The following DNM3 variants were observed in gnomAD, a reference collection of about 807,000 sequenced individuals.
DNM3 encodes the protein dynamin-3.
In DNM3, 47 loss-of-function variants were observed where a neutral mutation model predicts 101.6. The ratio of observed to expected loss-of-function variants is 0.46; its 90% CI spans 0.37 to 0.59. The LOEUF (loss-of-function observed/expected upper bound fraction) is 0.59. Among genes scored for constraint, DNM3 ranks in the 20% least tolerant of loss-of-function variants. The pLI is 0.00. For synonymous variants in DNM3, 385 were observed against 387.9 expected, an observed-to-expected ratio of 0.99 and a Z score of 0.09; for missense variants, 849 against 1,085.7, an observed-to-expected ratio of 0.78 and a Z score of 3.06.
chr1:172,151,224 T>C (rs965918388), intron 14 of DNM3, among the ~76,000 whole-genome samples: 22 of 152,118 alleles, frequency 1.4e-4, no homozygotes. Context: ...TTTGTAATCT[T>C]AAACGTTAGT....
At position 172,172,922 on chromosome 1, in the gene DNM3, A is replaced by G. The variant is rs986920915; in HGVS notation, c.1659+41634A>G. Among the ~76,000 whole-genome samples the G allele has an allele frequency of 1.4e-4, 22 of 151,968 alleles. No individual in the cohort carries two copies. In the East Asian group the frequency reaches 1.7e-3, roughly 12 times the overall value. On this transcript the variant is annotated intron_variant, in intron 14 of 20. Coordinates refer to ENST00000627582, the MANE Select transcript of DNM3 (RefSeq NM_015569.5). ...AGTTTTTCCAAACTTGGCATTTTTA[A>G]CCATTGTTGGCCTTTTAACCTCTTT...
At chr1:172,105,128 C>A (rs113426332) in intron 13 of DNM3, among the ~76,000 whole-genome samples, 1,736 of 152,270 alleles carry the variant, frequency 0.011, 34 homozygotes, top group African/African-American at 0.04. Context: ...ATCATATGAA[C>A]AGTCCATACT....
intron 13 of DNM3, chr1:172,093,628 G>A (rs1342415134): frequency 7.2e-6 from 10 of 1,381,060 alleles, no homozygotes; most frequent in Non-Finnish European, 8.9e-6. Flanking sequence ...AAGGAGAAGA[G>A]GTAATAACAG....
intron 17 of DNM3, among the ~76,000 whole-genome samples, chr1:172,373,181 T>G (rs2068434238): frequency 6.6e-6 from 1 of 151,984 alleles, no homozygotes; most frequent in African/African-American, 2.4e-5. Flanking sequence ...AAAAGAGAAA[T>G]TTGAGGGACA....
At chr1:172,345,029 A>G (rs1438223231) in intron 17 of DNM3, among the ~76,000 whole-genome samples, 1 of 152,230 alleles carries the variant, frequency 6.6e-6, no homozygotes, top group African/African-American at 2.4e-5. Context: ...CTATCTGTTG[A>G]TCATTAATAT....
intron 14 of DNM3, among the ~76,000 whole-genome samples, chr1:172,200,739 T>C (rs1456324771): frequency 6.6e-6 from 1 of 152,330 alleles, no homozygotes; most frequent in Non-Finnish European, 1.5e-5. Context: ...GTTACTCATT[T>C]CTGTCAGACT....
chr1:172,077,197 C>G (rs1176101333), intron 11 of DNM3, among the ~76,000 whole-genome samples: 2 of 150,680 alleles, frequency 1.3e-5, no homozygotes, highest in Non-Finnish European at 3.0e-5. Flanking sequence ...CTATTTGATT[C>G]TTCTCTCTTT....
chr1:172,145,743 G>C (rs2057859451), intron 14 of DNM3, among the ~76,000 whole-genome samples: 1 of 152,106 alleles, frequency 6.6e-6, no homozygotes, highest in Admixed American at 6.6e-5. Flanking sequence ...ATGCTGTTAG[G>C]TATAGCATTG....
chr1:171,875,829 T>TTTTTTTTTTTTTTA (rs1571362207), intron 1 of DNM3, among the ~76,000 whole-genome samples: 2 of 146,926 alleles, frequency 1.4e-5, no homozygotes, highest in African/African-American at 5.1e-5. Flanking sequence ...TTTTTTTTTT[T>TTTTTTTTTTTTTTA]GAGATGGAGT....
chr1:172,021,548 C>CA (rs1349529151), intron 4 of DNM3, among the ~76,000 whole-genome samples: 3 of 152,094 alleles, frequency 2.0e-5, no homozygotes, highest in Non-Finnish European at 4.4e-5. Context: ...TATCCCAGGA[C>CA]AAAAAACATA....
At chr1:171,865,334 G>A (rs2034613154) in intron 1 of DNM3, among the ~76,000 whole-genome samples, 1 of 151,756 alleles carries the variant, frequency 6.6e-6, no homozygotes, top group Non-Finnish European at 1.5e-5. Context: ...TGGGCAACGT[G>A]GTGAAACCTC....
chr1:171,996,139 AG>A (rs1242342726), intron 4 of DNM3, among the ~76,000 whole-genome samples: 1 of 152,182 alleles, frequency 6.6e-6, no homozygotes, highest in Non-Finnish European at 1.5e-5. Flanking sequence ...CAGTATATGT[AG>A]AATGTCACAA....
At chr1:172,353,857 T>A (rs1192143587) in intron 17 of DNM3, among the ~76,000 whole-genome samples, 2 of 152,180 alleles carry the variant, frequency 1.3e-5, no homozygotes, top group Non-Finnish European at 2.9e-5. Flanking sequence ...CATATTTATA[T>A]GACTAGTGTA....
chr1:171,953,358 G>A (rs1207937511), intron 2 of DNM3, among the ~76,000 whole-genome samples: 1 of 151,088 alleles, frequency 6.6e-6, no homozygotes, highest in Non-Finnish European at 1.5e-5. Flanking sequence ...CATGATATCA[G>A]TTATCTGACC....
intron 10 of DNM3, among the ~76,000 whole-genome samples, chr1:172,064,216 A>G (rs550019350): frequency 3.3e-5 from 5 of 152,338 alleles, no homozygotes; most frequent in East Asian, 3.9e-4. Context: ...ATAAAGGCCT[A>G]AAGACATCTT....
intron 11 of DNM3, among the ~76,000 whole-genome samples, chr1:172,074,199 A>G (rs2052447022): frequency 1.3e-5 from 2 of 152,194 alleles, no homozygotes; most frequent in African/African-American, 4.8e-5. Flanking sequence ...GTGCTACAAA[A>G]GAAAATAAGG....
chr1:172,412,831 T>G (rs2071286577), downstream of DNM3: 1 of 782,258 alleles, frequency 1.3e-6, no homozygotes. Flanking sequence ...GTTACCAAAG[T>G]AAAGAATGAT....
At position 172,032,431 on chromosome 1, in the gene DNM3, C is replaced by T. The variant is rs375476448; in HGVS notation, c.619C>T (p.Leu207=). Residue 207 remains leucine (L), a synonymous_variant, in exon 5 of 21, where the codon CTG becomes TTG. Coordinates refer to ENST00000627582, the MANE Select transcript of DNM3 (RefSeq NM_015569.5). The part of the protein sequence containing the change: ...GLRTIGVITK[L]DLMDEGTDAR... ...GAGAACCATTGGAGTTATCACCAAA[C>T]TGGACCTTATGGATGAAGGAACGGA... is the stretch of plus-strand genomic sequence containing the variant. 100 of 1,611,068 alleles carry T rather than the reference C, an allele frequency of 6.2e-5. No homozygotes were observed. Among genetic ancestry groups the T allele is most frequent in the Middle Eastern group, 1.6e-4 (1 of 6,068 alleles).
At chr1:171,928,405 C>T (rs1410077229) in intron 2 of DNM3, among the ~76,000 whole-genome samples, 1 of 151,996 alleles carries the variant, frequency 6.6e-6, no homozygotes, top group South Asian at 2.1e-4. Context: ...GTGATTGTGG[C>T]CAAGGGTCTT....
Sources: gnomAD v4.1 joint callset for allele counts (sites outside exome capture counted in the v4.1 genomes callset) on GRCh38, gnomAD v4.1.1 for gene constraint, MANE v1.5 for transcripts, NCBI Gene and HGNC (gene_info 2026-07-23, HGNC 2026-07-21) for gene names.